ATP6V1H: variants seen among roughly 807,000 people sequenced by gnomAD.
ATP6V1H encodes V-type proton ATPase subunit H.
A neutral mutation model predicts 71.7 loss-of-function variants in ATP6V1H; 39 were observed. The ratio of observed to expected loss-of-function variants is 0.54; its 90% CI spans 0.42 to 0.71. The LOEUF (loss-of-function observed/expected upper bound fraction) is 0.71. Among genes scored for constraint, ATP6V1H ranks in the 30% least tolerant of loss-of-function variants. The pLI is 0.00. For missense variants in ATP6V1H, 509 were observed against 594.9 expected (o/e 0.86, Z 1.50); for synonymous variants, 192 against 199.3 (o/e 0.96, Z 0.31).
chr8:53,718,980 G>C (rs1806525765), intron 13 of ATP6V1H, among the ~76,000 whole-genome samples: 1 of 152,174 alleles, frequency 6.6e-6, no homozygotes, highest in Admixed American at 6.5e-5. Context: ...TTCATGGAAA[G>C]AAGAATACAA....
rs566005293 is a variant in ATP6V1H at position 53,841,743 on chromosome 8, G to C, written c.-35-18C>G. The C allele has an allele frequency of 3.8e-4, 605 of 1,591,870 alleles. 2 individuals are homozygous for C. In the Middle Eastern group the frequency reaches 0.01, roughly 27 times the overall value. ...CAACAAATCTTCAATTTTGATGCAA[G>C]GTAAAAACAGAATACGAGGTGTTTC... On this transcript the variant is annotated intron_variant, in intron 1 of 13. Coordinates refer to ENST00000359530, the MANE Select transcript of ATP6V1H (RefSeq NM_015941.4).
At chr8:53,812,587 C>T (rs1326611886) in intron 6 of ATP6V1H, among the ~76,000 whole-genome samples, 1 of 152,230 alleles carries the variant, frequency 6.6e-6, no homozygotes, top group Admixed American at 6.5e-5. Flanking sequence ...CACGCCACGG[C>T]ATCCATTCTT....
intron 13 of ATP6V1H, among the ~76,000 whole-genome samples, chr8:53,731,600 T>C (rs529796948): frequency 7.2e-5 from 11 of 152,300 alleles, no homozygotes; most frequent in Admixed American, 7.2e-4. Flanking sequence ...CTTAGAGCTG[T>C]AAGCCCTTAA....
At chr8:53,719,207 A>G (rs1204730396) in intron 13 of ATP6V1H, among the ~76,000 whole-genome samples, 1 of 152,002 alleles carries the variant, frequency 6.6e-6, no homozygotes, top group Non-Finnish European at 1.5e-5. Flanking sequence ...GTCTCACTTT[A>G]TTGCCCAGGC....
At chr8:53,783,845 A>C (rs1397557597) in intron 9 of ATP6V1H, among the ~76,000 whole-genome samples, 4 of 152,114 alleles carry the variant, frequency 2.6e-5, no homozygotes, top group African/African-American at 9.7e-5. Context: ...CATGTAGTTG[A>C]GCGGTTCTGA....
At chr8:53,717,569 T>C (rs1806469191) in intron 13 of ATP6V1H, among the ~76,000 whole-genome samples, 1 of 152,242 alleles carries the variant, frequency 6.6e-6, no homozygotes, top group African/African-American at 2.4e-5. Context: ...AATGGGATCT[T>C]ATTTCCAACC....
In ATP6V1H at chr8:53,802,991, C is replaced by G. The variant is rs531753082; in HGVS notation, c.580-1095G>C. 7.2e-5 allele frequency among the ~76,000 whole-genome samples: 11 copies of G among 152,306 alleles called. No homozygotes were observed. In the South Asian group the frequency reaches 2.3e-3, roughly 32 times the overall value. ...ATTTTACCAAAGCTAGTGGGAACAT[C>G]TGACCTGGGCTTTTCCTTAAATATG... On this transcript the variant is annotated intron_variant, in intron 7 of 13. Transcript: ENST00000359530.
At chr8:53,831,675 A>G (rs1248521882) in intron 3 of ATP6V1H, 1 of 152,142 alleles carries the variant, frequency 6.6e-6, no homozygotes, top group African/African-American at 2.4e-5. Context: ...AAACTGGTAC[A>G]ATCTATCAAG....
intron 11 of ATP6V1H, among the ~76,000 whole-genome samples, chr8:53,761,465 G>A (rs1398129900): frequency 1.3e-5 from 2 of 151,904 alleles, no homozygotes; most frequent in Non-Finnish European, 2.9e-5. Flanking sequence ...CCAGAAAATA[G>A]AAAGTACCCT....
intron 7 of ATP6V1H, among the ~76,000 whole-genome samples, chr8:53,804,061 TC>T (rs1220890244): frequency 1.3e-5 from 2 of 152,184 alleles, no homozygotes; most frequent in Admixed American, 1.3e-4. Context: ...GCTTCAGTAT[TC>T]CCATTACAAA....
chr8:53,781,756 T>C (rs951500111), intron 9 of ATP6V1H, among the ~76,000 whole-genome samples: 5 of 152,114 alleles, frequency 3.3e-5, no homozygotes, highest in African/African-American at 1.2e-4. Flanking sequence ...GCTTTCTACA[T>C]ATGGCTAGCC....
At chr8:53,816,137 CT>C (rs1451181261) in intron 5 of ATP6V1H, among the ~76,000 whole-genome samples, 1 of 152,126 alleles carries the variant, frequency 6.6e-6, no homozygotes, top group Non-Finnish European at 1.5e-5. Context: ...TCCTTAATTT[CT>C]TTTTATAGAT....
chr8:53,816,079 T>C (rs1401728281), intron 5 of ATP6V1H, among the ~76,000 whole-genome samples: 3 of 152,342 alleles, frequency 2.0e-5, no homozygotes, highest in East Asian at 1.9e-4. Context: ...AATATATTAC[T>C]GGCTTTTTGA....
intron 9 of ATP6V1H, among the ~76,000 whole-genome samples, chr8:53,792,446 C>T (rs780737513): frequency 1.2e-4 from 18 of 152,204 alleles, no homozygotes; most frequent in Middle Eastern, 3.2e-3. Context: ...GTCCCTCACT[C>T]ACTCAGCCCT....
At chr8:53,777,676 T>C (rs1251626213) in intron 9 of ATP6V1H, among the ~76,000 whole-genome samples, 1 of 152,200 alleles carries the variant, frequency 6.6e-6, no homozygotes. Context: ...GCAGTCTCTG[T>C]CACAACTGCA....
At chr8:53,833,386 T>C (rs2130530746) in intron 2 of ATP6V1H, among the ~76,000 whole-genome samples, 1 of 152,228 alleles carries the variant, frequency 6.6e-6, no homozygotes, top group South Asian at 2.1e-4. Context: ...ATGTGGCAAA[T>C]GGTAGGCACT....
At chr8:53,767,517 C>T (rs1001458102) in intron 11 of ATP6V1H, among the ~76,000 whole-genome samples, 7 of 152,096 alleles carry the variant, frequency 4.6e-5, no homozygotes, top group Non-Finnish European at 7.4e-5. Context: ...AATAAAGATA[C>T]ACTCTTTTTT....
intron 12 of ATP6V1H, among the ~76,000 whole-genome samples, chr8:53,752,650 A>T (rs568593549): frequency 3.5e-4 from 53 of 152,288 alleles, no homozygotes; most frequent in Non-Finnish European, 6.9e-4. Flanking sequence ...TCCTGGGTTC[A>T]AGCGATTATC....
chr8:53,837,948 G>A (rs6988808), intron 2 of ATP6V1H, among the ~76,000 whole-genome samples: 14,434 of 151,992 alleles, frequency 0.095, 1,172 homozygotes, highest in East Asian at 0.45. Context: ...GAAGCAGCAA[G>A]GATGGCCCCA....
Sources: gnomAD v4.1 joint callset for allele counts (sites outside exome capture counted in the v4.1 genomes callset) on GRCh38, gnomAD v4.1.1 for gene constraint, MANE v1.5 for transcripts, NCBI Gene and HGNC (gene_info 2026-07-23, HGNC 2026-07-21) for gene names.